Variants in PTPRK observed in about 807,000 individuals in gnomAD.
PTPRK encodes the protein protein tyrosine phosphatase receptor type K.
PTPRK carries 75 observed loss-of-function variants against 178.0 expected under a neutral mutation model. The ratio of observed to expected loss-of-function variants is 0.42; its 90% CI spans 0.35 to 0.51. PTPRK has a LOEUF of 0.51. Ranked by LOEUF, PTPRK falls within the 20% of genes least tolerant of loss-of-function variation. PTPRK has a pLI of 0.02. For missense variants in PTPRK, 1,441 were observed against 1,797.8 expected (o/e 0.80, Z 3.59); for synonymous variants, 637 against 620.6 (o/e 1.03, Z -0.39).
At chr6:128,354,131 A>T (rs777839077) in intron 2 of PTPRK, among the ~76,000 whole-genome samples, 1 of 151,580 alleles carries the variant, frequency 6.6e-6, no homozygotes, top group East Asian at 1.9e-4. Flanking sequence ...TAAGGAAGCT[A>T]GCATATATTT....
At chr6:128,336,384 A>G (rs898675479) in intron 2 of PTPRK, among the ~76,000 whole-genome samples, 1 of 152,196 alleles carries the variant, frequency 6.6e-6, no homozygotes, top group Admixed American at 6.5e-5. Flanking sequence ...AAAATAAAAA[A>G]TAACTTCAGC....
At chr6:128,048,361 C>G (rs1260304987) in intron 13 of PTPRK, among the ~76,000 whole-genome samples, 2 of 152,152 alleles carry the variant, frequency 1.3e-5, no homozygotes, top group Admixed American at 1.3e-4. Flanking sequence ...CATTCTAGCT[C>G]ATCCCCTGGA....
chr6:128,226,988 T>C (rs767028192), intron 5 of PTPRK, among the ~76,000 whole-genome samples: 7 of 151,910 alleles, frequency 4.6e-5, no homozygotes, highest in Non-Finnish European at 1.0e-4. Context: ...AAGGTACTTA[T>C]AACCTCTCTT....
chr6:128,172,334 C>T (rs186846279), intron 7 of PTPRK, among the ~76,000 whole-genome samples: 329 of 151,982 alleles, frequency 2.2e-3, no homozygotes, highest in Middle Eastern at 6.8e-3. Context: ...TTTATAATAA[C>T]ATTCCAGTAA....
intron 3 of PTPRK, among the ~76,000 whole-genome samples, chr6:128,250,610 T>C (rs544391358): frequency 6.6e-6 from 1 of 152,304 alleles, no homozygotes; most frequent in Non-Finnish European, 1.5e-5. Context: ...TGACACTTGT[T>C]TGAGAAAGTT....
chr6:128,305,200 T>C (rs1826198329), intron 3 of PTPRK, among the ~76,000 whole-genome samples: 1 of 152,228 alleles, frequency 6.6e-6, no homozygotes, highest in South Asian at 2.1e-4. Flanking sequence ...GTCATTTTAG[T>C]GCAGACTAAT....
intron 1 of PTPRK, among the ~76,000 whole-genome samples, chr6:128,483,967 T>C (rs910500722): frequency 2.0e-5 from 3 of 152,026 alleles, no homozygotes; most frequent in Non-Finnish European, 4.4e-5. Context: ...ATTTCCAGGG[T>C]CAGTCATTTC....
chr6:128,403,108 T>C (rs902754369), intron 1 of PTPRK, among the ~76,000 whole-genome samples: 1 of 152,236 alleles, frequency 6.6e-6, no homozygotes. Context: ...AATTGTTACT[T>C]ATCTAATTGT....
At chr6:128,003,071 A>G in intron 15 of PTPRK, 1 of 868,926 alleles carries the variant, frequency 1.2e-6, no homozygotes, top group Non-Finnish European at 1.8e-6. Context: ...CTCTTTGATA[A>G]TACCATGGCT....
intron 5 of PTPRK, among the ~76,000 whole-genome samples, chr6:128,237,033 A>G (rs553305113): frequency 4.6e-5 from 7 of 152,250 alleles, no homozygotes; most frequent in Non-Finnish European, 1.0e-4. Context: ...ATAACCTAGA[A>G]AGAATACAGA....
chr6:128,445,833 G>T (rs953128512), intron 1 of PTPRK, among the ~76,000 whole-genome samples: 4 of 152,150 alleles, frequency 2.6e-5, no homozygotes, highest in African/African-American at 9.7e-5. Context: ...GTAACAAACT[G>T]CTCCTGATGC....
At chr6:127,980,490 TA>T (rs1238201731) in intron 25 of PTPRK, among the ~76,000 whole-genome samples, 142 of 140,224 alleles carry the variant, frequency 1.0e-3, no homozygotes, top group Non-Finnish European at 1.2e-3. Context: ...AGACTCTGTC[TA>T]AAAAAAAAAA....
At chr6:128,072,150 C>A (rs901860436) in intron 11 of PTPRK, among the ~76,000 whole-genome samples, 1 of 151,894 alleles carries the variant, frequency 6.6e-6, no homozygotes, top group Non-Finnish European at 1.5e-5. Context: ...TTCCCCATTC[C>A]TTTTAATAAA....
intron 2 of PTPRK, among the ~76,000 whole-genome samples, chr6:128,372,576 C>T (rs1021575364): frequency 6.6e-6 from 1 of 152,206 alleles, no homozygotes; most frequent in African/African-American, 2.4e-5. Context: ...AGGCCAGAAA[C>T]CTAAGGGTAA....
intron 1 of PTPRK, among the ~76,000 whole-genome samples, chr6:128,510,638 C>A (rs1857036078): frequency 6.6e-6 from 1 of 152,242 alleles, no homozygotes; most frequent in Non-Finnish European, 1.5e-5. Context: ...TACATGCATA[C>A]ATGTATAAAT....
chr6:128,011,056 T>C (rs1778995759), intron 13 of PTPRK, among the ~76,000 whole-genome samples: 1 of 150,802 alleles, frequency 6.6e-6, no homozygotes, highest in Admixed American at 6.6e-5. Context: ...TATATCTCTA[T>C]ATATGTAGAT....
At chr6:128,491,968 T>C in intron 1 of PTPRK, 1 of 392,388 alleles carries the variant, frequency 2.5e-6, no homozygotes, top group Non-Finnish European at 5.2e-6. Context: ...TAAATGAATT[T>C]AACATAATCT....
At chr6:128,096,507 T>A (rs1787925636) in intron 7 of PTPRK, among the ~76,000 whole-genome samples, 1 of 152,176 alleles carries the variant, frequency 6.6e-6, no homozygotes, top group African/African-American at 2.4e-5. Context: ...TTAGCATCTA[T>A]AAGAGAATGG....
chr6:127,976,616 A>C (rs541974755), intron 27 of PTPRK, 41 bp downstream of exon 27: 1 of 1,610,878 alleles, frequency 6.2e-7, no homozygotes, highest in South Asian at 1.1e-5. Flanking sequence ...GTTATGACTG[A>C]CCTATTCTAG....
Sources: gnomAD v4.1 joint callset for allele counts (sites outside exome capture counted in the v4.1 genomes callset) on GRCh38, gnomAD v4.1.1 for gene constraint, MANE v1.5 for transcripts, NCBI Gene and HGNC (gene_info 2026-07-23, HGNC 2026-07-21) for gene names.